Variants in NXN observed in about 807,000 individuals in gnomAD.
NXN encodes the protein nucleoredoxin, also known as nucleoredoxin 1.
In NXN, 16 loss-of-function variants were observed where a neutral mutation model predicts 48.6. That is an observed-to-expected ratio of 0.33 (90% CI 0.22 to 0.50). The LOEUF is 0.50. Ranked by LOEUF, NXN falls within the 20% of genes least tolerant of loss-of-function variation. The pLI, the probability that NXN is intolerant of heterozygous loss-of-function variation, is 0.98. For synonymous variants in NXN, 281 were observed against 269.6 expected (o/e 1.04, Z -0.41); for missense variants, 492 against 605.5 (o/e 0.81, Z 1.97).
chr17:837,513 C>T (rs1913892096), intron 1 of NXN, among the ~76,000 whole-genome samples: 2 of 152,294 alleles, frequency 1.3e-5, no homozygotes, highest in African/African-American at 2.4e-5. Flanking sequence ...GAGGAATCAC[C>T]GTCCTAGGTC....
intron 1 of NXN, among the ~76,000 whole-genome samples, chr17:972,612 G>A (rs1453530312): frequency 6.6e-6 from 1 of 152,226 alleles, no homozygotes; most frequent in Non-Finnish European, 1.5e-5. Flanking sequence ...CCTGATCACT[G>A]TCAGGAAAAA....
intron 1 of NXN, among the ~76,000 whole-genome samples, chr17:835,504 C>T (rs986726185): frequency 4.6e-5 from 7 of 152,158 alleles, no homozygotes; most frequent in African/African-American, 1.7e-4. Context: ...AAAGTTCCCA[C>T]TGCTCCGCCT....
chr17:834,476 G>A (rs952549640), intron 1 of NXN, among the ~76,000 whole-genome samples: 1 of 151,912 alleles, frequency 6.6e-6, no homozygotes, highest in African/African-American at 2.4e-5. Flanking sequence ...GTGCAATGGT[G>A]CGATCTCAGC....
At chr17:844,717 T>C (rs1004558091) in intron 1 of NXN, among the ~76,000 whole-genome samples, 4 of 152,048 alleles carry the variant, frequency 2.6e-5, no homozygotes, top group African/African-American at 9.7e-5. Flanking sequence ...CCTGAGGAGC[T>C]GGGATTACAG....
intron 5 of NXN, among the ~76,000 whole-genome samples, chr17:812,914 G>T (rs1011374865): frequency 8.1e-6 from 1 of 123,112 alleles, no homozygotes; most frequent in African/African-American, 3.2e-5. Flanking sequence ...ATGTGTGACT[G>T]TAGGTGTGTG....
intron 5 of NXN, among the ~76,000 whole-genome samples, chr17:811,356 G>T (rs2144598149): frequency 6.6e-6 from 1 of 152,358 alleles, no homozygotes; most frequent in South Asian, 2.1e-4. Context: ...TCCCTGCAAA[G>T]AGTGCCGTGC....
At chr17:881,710 C>G (rs2068286524) in intron 1 of NXN, among the ~76,000 whole-genome samples, 1 of 152,178 alleles carries the variant, frequency 6.6e-6, no homozygotes, top group Non-Finnish European at 1.5e-5. Flanking sequence ...CAACAACTCA[C>G]ATACATCCAT....
chr17:816,399 C>T (rs1232276176), intron 5 of NXN, among the ~76,000 whole-genome samples: 2 of 152,054 alleles, frequency 1.3e-5, no homozygotes, highest in South Asian at 2.1e-4. Context: ...TATCCTGTGA[C>T]GTTGCAGCCA....
intron 5 of NXN, among the ~76,000 whole-genome samples, chr17:807,474 G>A (rs1911628647): frequency 6.6e-6 from 1 of 152,174 alleles, no homozygotes; most frequent in African/African-American, 2.4e-5. Flanking sequence ...CAGCGCCTGG[G>A]GCTCTCCGAG....
In NXN at chr17:951,473, T is replaced by C. The variant is rs2069109909; in HGVS notation, c.360+27846A>G. ...GTAATTCTGCAGCCTGATCTCTCTG[T>C]TGAGATGCTCACGCTCTCTTTTTGC... On this transcript the variant is annotated intron_variant, in intron 1 of 7. Transcript: ENST00000336868. 2.6e-5 allele frequency among the ~76,000 whole-genome samples: 4 copies of C among 151,478 alleles called. No individual in the cohort carries two copies. In the Admixed American group the frequency reaches 2.7e-4, roughly 10 times the overall value.
intron 1 of NXN, among the ~76,000 whole-genome samples, chr17:906,089 T>C (rs562284145): frequency 1.6e-4 from 25 of 152,262 alleles, no homozygotes; most frequent in Admixed American, 3.9e-4. Flanking sequence ...TATAAACGAA[T>C]AGTAATAGGA....
intron 1 of NXN, among the ~76,000 whole-genome samples, chr17:915,316 T>C (rs1456487808): frequency 6.6e-6 from 1 of 152,118 alleles, no homozygotes; most frequent in African/African-American, 2.4e-5. Context: ...CTTTCTGAGA[T>C]AGAGTCTCAC....
chr17:926,185 C>G (rs1485719423), intron 1 of NXN, among the ~76,000 whole-genome samples: 4 of 152,034 alleles, frequency 2.6e-5, no homozygotes, highest in African/African-American at 7.2e-5. Flanking sequence ...CTCTATTTTT[C>G]TCCTCCTTCC....
At chr17:971,002 AGTG>A (rs1273252207) in intron 1 of NXN, among the ~76,000 whole-genome samples, 1 of 148,348 alleles carries the variant, frequency 6.7e-6, no homozygotes, top group Non-Finnish European at 1.5e-5. Context: ...GCTGGAGTAC[AGTG>A]GTGCGATCTC....
rs1448020972 is a variant in NXN at position 830,771 on chromosome 17, TG to T, written c.361-4694del. On this transcript the variant is annotated intron_variant, in intron 1 of 7. Coordinates refer to ENST00000336868, the MANE Select transcript of NXN (RefSeq NM_022463.5). The surrounding 1 kb of genome is among the most constrained non-coding windows in gnomAD (Gnocchi z 4.2). ...ATCCCAGCAGTTTGGGAGGCCAAGG[TG>T]GGCAGATCATCTGAGGTCAGGAGTT... Among the ~76,000 whole-genome samples, 1 of 151,784 alleles carries T rather than the reference TG, an allele frequency of 6.6e-6. No individual in the cohort carries two copies. Among genetic ancestry groups the T allele is most frequent in the Non-Finnish European group, 1.5e-5 (1 of 67,908 alleles).
At chr17:934,348 A>G (rs1261287805) in intron 1 of NXN, among the ~76,000 whole-genome samples, 1 of 151,970 alleles carries the variant, frequency 6.6e-6, no homozygotes, top group African/African-American at 2.4e-5. Context: ...GGGGAGGCTG[A>G]GGCAGGAGAA....
chr17:954,950 C>T (rs1227463106), intron 1 of NXN, among the ~76,000 whole-genome samples: 1 of 152,136 alleles, frequency 6.6e-6, no homozygotes, highest in Admixed American at 6.5e-5. Flanking sequence ...TTTTTTCAGC[C>T]CTGGGTTACA....
chr17:913,805 T>C lies in NXN; in HGVS notation c.360+65514A>G, dbSNP rs532523533. Reference sequence around the variant, plus strand: ...AATGTGTAAACAATTGCCCTTTCCATCTACACTGGCATAAACTCACTTACT... The same window carrying C: ...AATGTGTAAACAATTGCCCTTTCCACCTACACTGGCATAAACTCACTTACT... On this transcript the variant is annotated intron_variant, in intron 1 of 7. Transcript: ENST00000336868. 2.0e-5 allele frequency among the ~76,000 whole-genome samples: 3 copies of C among 152,358 alleles called. No individual in the cohort carries two copies. The South Asian group carries it at 6.2e-4, about 32-fold the overall frequency.
Position 827,773 on chromosome 17 carries a change from G to A in NXN, c.361-1695C>T, listed in dbSNP as rs16955971. On this transcript the variant is annotated intron_variant, in intron 1 of 7. Transcript: ENST00000336868. ...TTGAGGGTCCCGGCAGGAAGGCTAC[G>A]CCCTTGGGCAGAACAGGGCAAGGAT... Among the ~76,000 whole-genome samples the A allele has an allele frequency of 7.9e-3, 1,205 of 152,356 alleles. 35 individuals carry two copies. Among genetic ancestry groups the A allele is most frequent in the Admixed American group, 0.048 (737 of 15,308 alleles).
Sources: gnomAD v4.1 joint callset for allele counts (sites outside exome capture counted in the v4.1 genomes callset) on GRCh38, gnomAD v4.1.1 for gene constraint, Gnocchi (gnomAD v3.1) non-coding constraint, MANE v1.5 for transcripts, NCBI Gene and HGNC (gene_info 2026-07-23, HGNC 2026-07-21) for gene names.